CRYGN: variants seen among roughly 807,000 people sequenced by gnomAD.
The protein encoded by CRYGN is crystallin gamma N.
CRYGN carries 17 observed loss-of-function variants against 19.2 expected under a neutral mutation model. That is an observed-to-expected ratio of 0.89 (90% confidence interval 0.61 to 1.33). CRYGN has a LOEUF of 1.33. Ranked by LOEUF, CRYGN falls within the 40% of genes most tolerant of loss-of-function variation. The probability of loss-of-function intolerance (pLI) is 0.00; values close to 1 mark genes in which losing one functional copy is unlikely to be tolerated. For synonymous variants in CRYGN, 84 were observed against 85.8 expected (o/e 0.98, Z 0.12); for missense variants, 239 against 239.6 (o/e 1.00, Z 0.02).
Position 151,436,340 on chromosome 7 carries a change from A to G in CRYGN, c.271-15T>C. 6.6e-7 allele frequency: 1 copy of G among 1,516,646 alleles called. No individual in the cohort carries two copies. Among genetic ancestry groups the G allele is most frequent in the African/African-American group, 1.4e-5 (1 of 71,274 alleles). The allele number at this position is 1,516,646 out of a possible 1,614,324, so 93.9% of individuals were successfully genotyped here. A position where few individuals can be genotyped will look rare whatever the true frequency, so the allele number is the denominator to read the frequency against. On this transcript the variant is annotated splice_polypyrimidine_tract_variant and intron_variant, in intron 2 of 3. Transcript: ENST00000337323. This position sits in a 1 kb window ranked among gnomAD's most constrained non-coding sequence, Gnocchi z 5.1. Reference sequence around the variant, plus strand: ...TGTTCTCCGTGCTCCAAGACCAAGCAAAAAAGAAGGAAAGAAGGAGGTTGC... The same window carrying G: ...TGTTCTCCGTGCTCCAAGACCAAGCGAAAAAGAAGGAAAGAAGGAGGTTGC...
chr7:151,433,743 A>G lies in CRYGN; in HGVS notation c.416+2437T>C, dbSNP rs1236263205. ...AATGCCCCAAGCCATGTCCTGGGCC[A>G]CATGAGGGTTCTCACATGGACACCC... On this transcript the variant is annotated intron_variant, in intron 3 of 3. Coordinates refer to ENST00000337323, the MANE Select transcript of CRYGN (RefSeq NM_144727.3). The surrounding 1 kb of genome is among the most constrained non-coding windows in gnomAD (Gnocchi z 5.1). 1 of 154,820 alleles carries G rather than the reference A, an allele frequency of 6.5e-6. No individual in the cohort carries two copies. Among genetic ancestry groups the G allele is most frequent in the East Asian group, 1.9e-4 (1 of 5,192 alleles). 9.6% of individuals were successfully genotyped at this position (154,820 alleles called of 1,614,324 possible). A position where few individuals can be genotyped will look rare whatever the true frequency, so the allele number is the denominator to read the frequency against.
At chr7:151,438,418 G>A (rs1003384497) in intron 1 of CRYGN, among the ~76,000 whole-genome samples, 174 bp from the exon 2 acceptor site, 3 of 152,276 alleles carry the variant, frequency 2.0e-5, no homozygotes, top group Non-Finnish European at 4.4e-5. Flanking sequence ...GCAAAAGAAC[G>A]AACAGCTGGC....
At chr7:151,432,208 T>C (rs1306317797) in intron 3 of CRYGN, 1 of 1,232,002 alleles carries the variant, frequency 8.1e-7, no homozygotes, top group Non-Finnish European at 1.0e-6. Context: ...GGCCTCCCAG[T>C]CCGAGAAGCT....
intron 2 of CRYGN, among the ~76,000 whole-genome samples, chr7:151,437,571 C>T (rs1801648675): frequency 6.6e-6 from 1 of 152,186 alleles, no homozygotes; most frequent in Admixed American, 6.5e-5. Context: ...CAGCTTCCTC[C>T]ATCAGCCATT....
chr7:151,432,574 C>T (rs1801497564), intron 3 of CRYGN, among the ~76,000 whole-genome samples: 1 of 152,204 alleles, frequency 6.6e-6, no homozygotes, highest in Admixed American at 6.5e-5. Context: ...GAGGCCGAGG[C>T]AGGCAGATCT....
In CRYGN at chr7:151,431,934, C is replaced by T; in HGVS notation, c.417-1754G>A. The stretch of plus-strand genomic sequence containing the variant: ...TCACCACCTCTCCCCACCACTCTCC[C>T]CTCCCTGGCCCAGGGGGTCCCTGGG... On this transcript the variant is annotated intron_variant, in intron 3 of 3. Transcript: ENST00000337323. The surrounding 1 kb of genome is among the most constrained non-coding windows in gnomAD (Gnocchi z 4.8). The T allele has an allele frequency of 2.9e-6, 1 of 346,100 alleles. No individual in the cohort carries two copies. Among genetic ancestry groups the T allele is most frequent in the Non-Finnish European group, 5.2e-6 (1 of 193,026 alleles). 21.4% of individuals were successfully genotyped at this position (346,100 alleles called of 1,614,324 possible). A position where few individuals can be genotyped will look rare whatever the true frequency, so the allele number is the denominator to read the frequency against.
At chr7:151,439,458 A>G (rs572711738) in intron 1 of CRYGN, among the ~76,000 whole-genome samples, 33 of 152,294 alleles carry the variant, frequency 2.2e-4, no homozygotes, top group African/African-American at 7.5e-4. Context: ...CTGGGCACCA[A>G]AGGGATTCGG....
upstream of CRYGN, chr7:151,440,351 G>A: frequency 4.7e-6 from 1 of 211,680 alleles, no homozygotes; most frequent in East Asian, 1.0e-4. Context: ...TCACCTGGCT[G>A]CAGGTAGTCT....
Position 151,436,079 on chromosome 7 carries a change from TCCCAC to T in CRYGN, c.416+96_416+100del. ...CGCTGCCCACTGCTGGAGGTCTCAT[TCCCAC>T]CCCACCCACCACCCCTGTGTGGCGG... On this transcript the variant is annotated intron_variant, in intron 3 of 3. Coordinates refer to ENST00000337323, the MANE Select transcript of CRYGN (RefSeq NM_144727.3). The surrounding 1 kb of genome is among the most constrained non-coding windows in gnomAD (Gnocchi z 5.1). The T allele has an allele frequency of 1.0e-6, 1 of 989,300 alleles. No individual in the cohort carries two copies. Among genetic ancestry groups the T allele is most frequent in the Non-Finnish European group, 1.3e-6 (1 of 746,358 alleles). The allele number at this position is 989,300 out of a possible 1,614,324, so 61.3% of individuals were successfully genotyped here. A position where few individuals can be genotyped will look rare whatever the true frequency, so the allele number is the denominator to read the frequency against.
chr7:151,434,054 C>T (rs1801538558), intron 3 of CRYGN, among the ~76,000 whole-genome samples: 1 of 152,126 alleles, frequency 6.6e-6, no homozygotes, highest in African/African-American at 2.4e-5. Context: ...TTGCCCACTC[C>T]CCCGACCCCA....
At chr7:151,432,611 C>T (rs1375180271) in intron 3 of CRYGN, among the ~76,000 whole-genome samples, 1 of 152,196 alleles carries the variant, frequency 6.6e-6, no homozygotes, top group Non-Finnish European at 1.5e-5. Context: ...TGAGAGCAGC[C>T]CGGCCAACGT....
intron 3 of CRYGN, among the ~76,000 whole-genome samples, chr7:151,434,850 C>G (rs1241482691): frequency 6.6e-6 from 1 of 152,212 alleles, no homozygotes; most frequent in African/African-American, 2.4e-5. Flanking sequence ...CATTGTTTCA[C>G]TTAAAGTCAC....
intron 1 of CRYGN, 28 bp downstream of exon 1, chr7:151,439,869 T>G: frequency 1.3e-6 from 2 of 1,552,354 alleles, no homozygotes; most frequent in Non-Finnish European, 1.7e-6. Flanking sequence ...CCCCACTCGG[T>G]TTCCTTGGGG....
Position 151,429,616 on chromosome 7 carries a change from G to A in CRYGN, c.*432C>T. The A allele has an allele frequency of 4.5e-6, 1 of 219,842 alleles. No individual in the cohort carries two copies. The highest frequency in any genetic ancestry group is 9.2e-6 in the Non-Finnish European group (1 of 109,236). The allele number at this position is 219,842 out of a possible 1,614,324, so 13.6% of individuals were successfully genotyped here. A position where few individuals can be genotyped will look rare whatever the true frequency, so the allele number is the denominator to read the frequency against. ...TGACCCTGGGCAAGTTGCTTAACCT[G>A]TCTGTGGCTGGCTCTCCTCAACTGT... On this transcript the variant is annotated 3_prime_UTR_variant, in exon 4 of 4. Transcript: ENST00000337323.
Position 151,438,026 on chromosome 7 carries a change from G to A in CRYGN, c.240C>T (p.Asp80=). 5 of 1,613,894 alleles carry A rather than the reference G, an allele frequency of 3.1e-6. No individual in the cohort carries two copies. Among genetic ancestry groups the A allele is most frequent in the Non-Finnish European group, 4.2e-6 (5 of 1,180,042 alleles). Reference sequence around the variant, plus strand: ...CTACAGGCCGACAGGAGCCCATGTGGTCACTGTGGCTGTTCCAGCGGAAGA... The same window carrying A: ...CTACAGGCCGACAGGAGCCCATGTGATCACTGTGGCTGTTCCAGCGGAAGA... The part of the protein sequence containing the change: ...PDFFRWNSHS[D]HMGSCRPVGM... The change falls in exon 2 of 4, where the codon GAC becomes GAT. Residue 80 remains aspartate (D), a synonymous_variant. Transcript: ENST00000337323.
In CRYGN at chr7:151,430,259, A is replaced by T. The variant is rs35006328; in HGVS notation, c.417-79T>A. ...GGCCTTTTGGGGACCCATCTACCAC[A>T]TGGCAGCAGGGAGCCCCTTCCCCTT... On this transcript the variant is annotated intron_variant, in intron 3 of 3. Coordinates refer to ENST00000337323, the MANE Select transcript of CRYGN (RefSeq NM_144727.3). This position sits in a 1 kb window ranked among gnomAD's most constrained non-coding sequence, Gnocchi z 5.2. The T allele has an allele frequency of 7.1e-7, 1 of 1,417,754 alleles. No homozygotes were observed. Among genetic ancestry groups the T allele is most frequent in the Admixed American group, 1.9e-5 (1 of 52,356 alleles). 87.8% of individuals were successfully genotyped at this position (1,417,754 alleles called of 1,614,324 possible).
At position 151,439,975 on chromosome 7, in the gene CRYGN, C is replaced by T; in HGVS notation, c.-58G>A. On this transcript the variant is annotated 5_prime_UTR_variant, in exon 1 of 4. Coordinates refer to ENST00000337323, the MANE Select transcript of CRYGN (RefSeq NM_144727.3). ...TACACCGGGCAGCGCCCTGCTGGCTCAGCGCCGCCCCGGACAAAAGATTTG... is the reference window on the plus strand; with the variant it reads ...TACACCGGGCAGCGCCCTGCTGGCTTAGCGCCGCCCCGGACAAAAGATTTG... The T allele has an allele frequency of 1.4e-6, 2 of 1,464,944 alleles. No homozygotes were observed. The highest frequency in any genetic ancestry group is 1.4e-5 in the African/African-American group (1 of 69,748). The allele number at this position is 1,464,944 out of a possible 1,614,324, so 90.7% of individuals were successfully genotyped here. A position where few individuals can be genotyped will look rare whatever the true frequency, so the allele number is the denominator to read the frequency against.
upstream of CRYGN, chr7:151,440,250 A>G (rs1476856401): frequency 8.4e-6 from 4 of 478,538 alleles, no homozygotes; most frequent in Non-Finnish European, 1.4e-5. Context: ...TAGCCCTCCA[A>G]CCTTTCTTCC....
chr7:151,439,622 A>C (rs1162138909), intron 1 of CRYGN, among the ~76,000 whole-genome samples: 1 of 152,114 alleles, frequency 6.6e-6, no homozygotes, highest in Non-Finnish European at 1.5e-5. Flanking sequence ...CCCCACCCCA[A>C]GGAAGCCCCA....
Sources: allele counts gnomAD v4.1 joint callset (sites outside exome capture counted in the v4.1 genomes callset), GRCh38; gene constraint gnomAD v4.1.1; non-coding constraint Gnocchi (gnomAD v3.1); transcripts MANE v1.5; gene names NCBI Gene and HGNC (gene_info 2026-07-23, HGNC 2026-07-21).